HIVEP2: variants seen among roughly 807,000 people sequenced by gnomAD.
HIVEP2 encodes HIVEP zinc finger 2.
Under a neutral mutation model 180.7 loss-of-function variants are expected in HIVEP2, and 14 were observed. That is an observed-to-expected ratio of 0.08 (90% confidence interval 0.05 to 0.12). The LOEUF (loss-of-function observed/expected upper bound fraction) is 0.12, where lower values mean the gene tolerates loss of function less well. HIVEP2 is among the 10% of genes least tolerant of loss of function. The probability of loss-of-function intolerance (pLI) is 1.00; values close to 1 mark genes in which losing one functional copy is unlikely to be tolerated. For missense variants in HIVEP2, 2,579 were observed against 3,008.5 expected (o/e 0.86, Z 3.34); for synonymous variants, 1,184 against 1,136.4 (o/e 1.04, Z -0.84).
At position 142,769,816 on chromosome 6, in the gene HIVEP2, C is replaced by T; in HGVS notation, c.4923G>A (p.Leu1641=). 18 of 1,614,214 alleles carry T rather than the reference C, an allele frequency of 1.1e-5. No individual in the cohort carries two copies. The highest frequency in any genetic ancestry group is 1.5e-5 in the Non-Finnish European group (18 of 1,180,034). Residue 1641 remains leucine (L), a synonymous_variant, in exon 5 of 10, where the codon CTG becomes CTA. Transcript: ENST00000367603. ...ACCAACTCACAGTAGTTGTTGTCCG[C>T]AGACTGGGGAACTGAAGAATCTGCT... ...DFQQILQFPS[L]RTTTTVSWCF... is the part of the protein sequence containing the mutation.
rs1189311297 is a variant in HIVEP2 at position 142,909,284 on chromosome 6, T to C, written c.-641+35815A>G. ...AATTGGTATACACAGATTTCTACTA[T>C]CTATAGACAAAAATCTATCTGAACA... On this transcript the variant is annotated intron_variant, in intron 1 of 9. Transcript: ENST00000367603. 3.9e-5 allele frequency among the ~76,000 whole-genome samples: 6 copies of C among 152,182 alleles called. No homozygotes were observed. The East Asian group carries it at 1.2e-3, about 29-fold the overall frequency.
chr6:142,897,442 A>C (rs1777028732), intron 1 of HIVEP2, among the ~76,000 whole-genome samples: 1 of 152,254 alleles, frequency 6.6e-6, no homozygotes, highest in African/African-American at 2.4e-5. Context: ...GTAAGAGCCA[A>C]AGCCAAAAGT....
intron 2 of HIVEP2, among the ~76,000 whole-genome samples, chr6:142,793,077 G>A (rs1582864501): frequency 6.6e-6 from 1 of 151,856 alleles, no homozygotes; most frequent in Non-Finnish European, 1.5e-5. Flanking sequence ...CTTCTTATTA[G>A]GCCATTTAAA....
At chr6:142,848,215 ATAACT>A (rs1156229908) in intron 1 of HIVEP2, among the ~76,000 whole-genome samples, 6 of 152,232 alleles carry the variant, frequency 3.9e-5, no homozygotes, top group African/African-American at 9.6e-5. Context: ...GGATTTAGAG[ATAACT>A]TAAAGTGGTA....
Position 142,770,815 on chromosome 6 carries a change from C to A in HIVEP2, c.3924G>T (p.Thr1308=). The A allele has an allele frequency of 1.2e-6, 2 of 1,614,180 alleles. No homozygotes were observed. Among genetic ancestry groups the A allele is most frequent in the Non-Finnish European group, 1.7e-6 (2 of 1,180,042 alleles). ...CTTCTTGAAGAACCTGCTCAGAGGG[C>A]GTTTCAGTTGACTTACTGCTCTGGT... ...PSDQSSKSTE[T]PSEQVLQEDF... Residue 1308 remains threonine (T), a synonymous_variant, in exon 5 of 10, where the codon ACG becomes ACT. Transcript: ENST00000367603. This position sits in a 1 kb window ranked among gnomAD's most constrained non-coding sequence, Gnocchi z 4.7.
intron 1 of HIVEP2, among the ~76,000 whole-genome samples, chr6:142,941,113 A>T (rs1778167368): frequency 6.6e-6 from 1 of 152,210 alleles, no homozygotes; most frequent in Non-Finnish European, 1.5e-5. Context: ...TTCGGCCTAG[A>T]ACAATAGTGA....
chr6:142,791,766 T>C (rs962269292), intron 2 of HIVEP2, among the ~76,000 whole-genome samples: 4 of 152,196 alleles, frequency 2.6e-5, no homozygotes, highest in Admixed American at 6.5e-5. Context: ...TCAATTTCAA[T>C]GACACCAAGT....
chr6:142,937,502 T>A (rs1182531675), intron 1 of HIVEP2, among the ~76,000 whole-genome samples: 1 of 152,162 alleles, frequency 6.6e-6, no homozygotes, highest in African/African-American at 2.4e-5. Context: ...CATACCCAAA[T>A]TCCCCCAGGT....
rs192518148 is a variant in HIVEP2 at position 142,752,261 on chromosome 6, A to G, written c.*846T>C. On this transcript the variant is annotated 3_prime_UTR_variant, in exon 10 of 10. Transcript: ENST00000367603. ...AGTATATAGATCAACATGTTCACAT[A>G]AGACCAAATACTTTTAATATTATTT... is the stretch of plus-strand genomic sequence containing the variant. 6.5e-6 allele frequency: 1 copy of G among 152,810 alleles called. No homozygotes were observed. The highest frequency in any genetic ancestry group is 1.9e-4 in the East Asian group (1 of 5,196). 9.5% of individuals were successfully genotyped at this position (152,810 alleles called of 1,614,324 possible). A position where few individuals can be genotyped will look rare whatever the true frequency, so the allele number is the denominator to read the frequency against.
chr6:142,773,329 C>T lies in HIVEP2; in HGVS notation c.1410G>A (p.Met470Ile), dbSNP rs1775604595. 1.9e-6 allele frequency: 3 copies of T among 1,614,208 alleles called. No homozygotes were observed. Among genetic ancestry groups the T allele is most frequent in the Middle Eastern group, 1.6e-4 (1 of 6,062 alleles). Residue 470 changes from methionine to isoleucine, a missense_variant, in exon 5 of 10, where the codon ATG (methionine) becomes ATA (isoleucine). Physicochemically the swap from Met to Ile is conservative, Grantham distance 10 (BLOSUM62 1). Around this residue, in one of 11 missense-constraint regions of HIVEP2, gnomAD observed 524 missense variants for 563.6 expected, o/e 0.93. Coordinates refer to ENST00000367603, the MANE Select transcript of HIVEP2 (RefSeq NM_006734.4). ...TCAGCTGTGAAACAGGATCTTCAAACATCTTGACATCTAACCTGGTGTTAA... is the reference window on the plus strand; with the variant it reads ...TCAGCTGTGAAACAGGATCTTCAAATATCTTGACATCTAACCTGGTGTTAA... ...PHVNTRLDVK[M>I]FEDPVSQLIP...
In HIVEP2 at chr6:142,883,490, G is replaced by T. The variant is rs186076596; in HGVS notation, c.-640-46443C>A. Among the ~76,000 whole-genome samples the T allele has an allele frequency of 2.8e-3, 433 of 152,140 alleles. 2 individuals carry two copies. The highest frequency in any genetic ancestry group is 8.4e-3 in the African/African-American group (348 of 41,504). Reference sequence around the variant, plus strand: ...ATCTTTTGTGAAATATATTTTTAATGAAGAATACATAACCCTCCTACATGT... The same window carrying T: ...ATCTTTTGTGAAATATATTTTTAATTAAGAATACATAACCCTCCTACATGT... On this transcript the variant is annotated intron_variant, in intron 1 of 9. Transcript: ENST00000367603.
In HIVEP2 at chr6:142,751,567, G is replaced by T. The variant is rs1266343541; in HGVS notation, c.*1540C>A. The T allele has an allele frequency of 2.0e-5, 3 of 152,612 alleles. No individual in the cohort carries two copies. Among genetic ancestry groups the T allele is most frequent in the African/African-American group, 7.2e-5 (3 of 41,440 alleles). 9.5% of individuals were successfully genotyped at this position (152,612 alleles called of 1,614,324 possible). ...TCACAGAATTATAATCCACTATATA[G>T]CACAAAGATAACCCAGATTGTATGT... is the stretch of plus-strand genomic sequence containing the variant. On this transcript the variant is annotated 3_prime_UTR_variant, in exon 10 of 10. Transcript: ENST00000367603.
intron 1 of HIVEP2, among the ~76,000 whole-genome samples, chr6:142,858,571 CTTATTTTT>C (rs1019114373): frequency 2.4e-4 from 37 of 152,190 alleles, no homozygotes; most frequent in African/African-American, 8.9e-4. Flanking sequence ...CACCTGCCCT[CTTATTTTT>C]TTATTTTTTA....
At chr6:142,769,434 C>T in intron 5 of HIVEP2, 118 bp downstream of exon 5, 1 of 890,574 alleles carries the variant, frequency 1.1e-6, no homozygotes, top group Non-Finnish European at 1.7e-6. Flanking sequence ...TGAAAACGCC[C>T]CCACACTGAC....
At chr6:142,912,309 A>T (rs1045619190) in intron 1 of HIVEP2, among the ~76,000 whole-genome samples, 3 of 152,188 alleles carry the variant, frequency 2.0e-5, no homozygotes, top group Non-Finnish European at 4.4e-5. Context: ...AACCATTGTT[A>T]TTTACATCTA....
chr6:142,897,603 C>T (rs1777032064), intron 1 of HIVEP2, among the ~76,000 whole-genome samples: 1 of 152,092 alleles, frequency 6.6e-6, no homozygotes, highest in African/African-American at 2.4e-5. Context: ...ACACATGACG[C>T]AGAGCATATG....
At chr6:142,838,232 T>C (rs1775275216) in intron 1 of HIVEP2, among the ~76,000 whole-genome samples, 2 of 152,132 alleles carry the variant, frequency 1.3e-5, no homozygotes, top group Admixed American at 6.5e-5. Flanking sequence ...TCATGGGAAA[T>C]ATGTTTTCAC....
At chr6:142,944,930 T>C (rs1778281329) in intron 1 of HIVEP2, 169 bp downstream of exon 1, 1 of 152,064 alleles carries the variant, frequency 6.6e-6, no homozygotes, top group African/African-American at 2.4e-5. Flanking sequence ...CTTCCTTCCT[T>C]CGCTCCTTCC....
At chr6:142,881,453 A>G (rs1431348440) in intron 1 of HIVEP2, among the ~76,000 whole-genome samples, 1 of 152,224 alleles carries the variant, frequency 6.6e-6, no homozygotes, top group Non-Finnish European at 1.5e-5. Flanking sequence ...TTTGAGACAC[A>G]GTAAGAATGG....
Sources: allele counts gnomAD v4.1 joint callset (sites outside exome capture counted in the v4.1 genomes callset), GRCh38; gene constraint gnomAD v4.1.1; regional missense constraint gnomAD v4.1.1; non-coding constraint Gnocchi (gnomAD v3.1); transcripts MANE v1.5; gene names NCBI Gene and HGNC (gene_info 2026-07-23, HGNC 2026-07-21).